The following RNF144B variants were observed in gnomAD, a reference collection of about 807,000 sequenced individuals.
The protein encoded by RNF144B is ring finger protein 144B, also known as E3 ubiquitin-protein ligase RNF144B.
In RNF144B, 25 loss-of-function variants were observed where a neutral mutation model predicts 40.2. The ratio of observed to expected loss-of-function variants is 0.62; its 90% CI spans 0.45 to 0.87. RNF144B has a LOEUF of 0.87. Among genes scored for constraint, RNF144B ranks in the 40% least tolerant of loss-of-function variants. The pLI is 0.00. For synonymous variants in RNF144B, 145 were observed against 136.3 expected, an observed-to-expected ratio of 1.06 and a Z score of -0.44; for missense variants, 365 against 373.7, an observed-to-expected ratio of 0.98 and a Z score of 0.19.
In RNF144B at chr6:18,401,262, G is replaced by C. The variant is rs540789602; in HGVS notation, c.165+1563G>C. Among the ~76,000 whole-genome samples the C allele has an allele frequency of 6.7e-4, 102 of 152,268 alleles. 1 individual carries two copies. Among genetic ancestry groups the C allele is most frequent in the African/African-American group, 2.5e-3 (102 of 41,548 alleles). ...CTTCTCAGGGAGCTAACACTGTCCT[G>C]TTATTGTTTCAGTAGATTTTAGTTC... On this transcript the variant is annotated intron_variant, in intron 2 of 7. Transcript: ENST00000259939.
At position 18,412,346 on chromosome 6, in the gene RNF144B, AT is replaced by A. The variant is rs1795065115; in HGVS notation, c.165+12649del. 6.6e-6 allele frequency among the ~76,000 whole-genome samples: 1 copy of A among 152,122 alleles called. No homozygotes were observed. The highest frequency in any genetic ancestry group is 2.4e-5 in the African/African-American group (1 of 41,424). On this transcript the variant is annotated intron_variant, in intron 2 of 7. Coordinates refer to ENST00000259939, the MANE Select transcript of RNF144B (RefSeq NM_182757.4). The surrounding 1 kb of genome is among the most constrained non-coding windows in gnomAD (Gnocchi z 4.2). The stretch of plus-strand genomic sequence containing the variant: ...ACTTCCTCTTTTTAGGAGGAAGCAA[AT>A]TGTTGTAAGAGAAGCTCATCTCATG...
Position 18,442,988 on chromosome 6 carries a change from G to C in RNF144B, c.331+3244G>C, listed in dbSNP as rs12527558. 0.12 allele frequency among the ~76,000 whole-genome samples: 18,999 copies of C among 152,192 alleles called. 1,365 individuals carry two copies. Among genetic ancestry groups the C allele is most frequent in the Admixed American group, 0.19 (2,948 of 15,290 alleles). ...TTTGGCTACTGTAAGTAATGCTGCT[G>C]TGAACACTGGGGTATAATCTGAGTT... On this transcript the variant is annotated intron_variant, in intron 4 of 7. Transcript: ENST00000259939. This position sits in a 1 kb window ranked among gnomAD's most constrained non-coding sequence, Gnocchi z 4.3.
At chr6:18,421,690 T>C (rs887100240) in intron 2 of RNF144B, among the ~76,000 whole-genome samples, 1 of 152,074 alleles carries the variant, frequency 6.6e-6, no homozygotes, top group African/African-American at 2.4e-5. Flanking sequence ...AAACATAAAA[T>C]GGGGAAAATC....
rs1436170179 is a variant in RNF144B, at chr6:18,466,115, C to T, written c.*1048C>T. 6.6e-6 allele frequency: 1 copy of T among 152,196 alleles called. No individual in the cohort carries two copies. Among genetic ancestry groups the T allele is most frequent in the African/African-American group, 2.4e-5 (1 of 41,458 alleles). The allele number at this position is 152,196 out of a possible 1,614,324, so 9.4% of individuals were successfully genotyped here. ...ATGTTTACTTAAGAGCCATTCTATC[C>T]TTTTGTGACTGAAATGGTTTATTGT... On this transcript the variant is annotated 3_prime_UTR_variant, in exon 8 of 8. Coordinates refer to ENST00000259939, the MANE Select transcript of RNF144B (RefSeq NM_182757.4).
chr6:18,422,789 C>G lies in RNF144B; in HGVS notation c.166-4792C>G, dbSNP rs1229799038. On this transcript the variant is annotated intron_variant, in intron 2 of 7. Transcript: ENST00000259939. This position sits in a 1 kb window ranked among gnomAD's most constrained non-coding sequence, Gnocchi z 4.7. ...CCAGCCTGCTTGGGCAACATAGACC[C>G]AATTTCAATCAATCAATCAATAGTC... Among the ~76,000 whole-genome samples, 1 of 152,024 alleles carries G rather than the reference C, an allele frequency of 6.6e-6. No homozygotes were observed. Among genetic ancestry groups the G allele is most frequent in the Admixed American group, 6.6e-5 (1 of 15,250 alleles).
At chr6:18,428,577 G>A (rs1187984203) in intron 3 of RNF144B, among the ~76,000 whole-genome samples, 1 of 151,846 alleles carries the variant, frequency 6.6e-6, no homozygotes, top group African/African-American at 2.4e-5. Flanking sequence ...CTTTAAATTA[G>A]AATATAATGA....
chr6:18,389,009 C>A (rs1031328978), intron 1 of RNF144B, among the ~76,000 whole-genome samples: 12 of 151,990 alleles, frequency 7.9e-5, no homozygotes, highest in South Asian at 2.1e-4. Context: ...ACCAAAAAAA[C>A]CCCCCAAAAC....
rs970203859 is a variant in RNF144B, at chr6:18,419,450, G to A, written c.166-8131G>A. Among the ~76,000 whole-genome samples, 1 of 152,182 alleles carries A rather than the reference G, an allele frequency of 6.6e-6. No homozygotes were observed. Among genetic ancestry groups the A allele is most frequent in the African/African-American group, 2.4e-5 (1 of 41,456 alleles). On this transcript the variant is annotated intron_variant, in intron 2 of 7. Transcript: ENST00000259939. The surrounding 1 kb of genome is among the most constrained non-coding windows in gnomAD (Gnocchi z 4.6). ...ACCCAGGAAGAAAGTGTAGAAAGAA[G>A]AGAGTTTAGGTCCTTTCCTGAAATT...
At chr6:18,431,626 CAT>C (rs1429866337) in intron 3 of RNF144B, among the ~76,000 whole-genome samples, 1 of 152,218 alleles carries the variant, frequency 6.6e-6, no homozygotes. Flanking sequence ...ACAGGTAACA[CAT>C]AAATATACTT....
At position 18,400,128 on chromosome 6, in the gene RNF144B, C is replaced by T. The variant is rs1794772443; in HGVS notation, c.165+429C>T. On this transcript the variant is annotated intron_variant, in intron 2 of 7. Transcript: ENST00000259939. The surrounding 1 kb of genome is among the most constrained non-coding windows in gnomAD (Gnocchi z 5.6). ...CTACTAAAAATACAAAAGAAATTAG[C>T]TGGGCTTGGTGGCGGGCGCCTGTAG... 6.6e-6 allele frequency among the ~76,000 whole-genome samples: 1 copy of T among 152,022 alleles called. No individual in the cohort carries two copies. The highest frequency in any genetic ancestry group is 2.4e-5 in the African/African-American group (1 of 41,384).
At chr6:18,452,709 C>G (rs942191637) in intron 4 of RNF144B, among the ~76,000 whole-genome samples, 2 of 151,990 alleles carry the variant, frequency 1.3e-5, no homozygotes, top group Non-Finnish European at 2.9e-5. Context: ...TAGCCCCTGC[C>G]TTTACTCAAG....
chr6:18,452,166 AT>A (rs1282282156), intron 4 of RNF144B, among the ~76,000 whole-genome samples: 12 of 152,230 alleles, frequency 7.9e-5, no homozygotes, highest in Non-Finnish European at 1.5e-4. Context: ...AAATACATCT[AT>A]ATGCTTTTGA....
Position 18,456,515 on chromosome 6 carries a change from G to A in RNF144B, c.332-640G>A, listed in dbSNP as rs1322317922. Among the ~76,000 whole-genome samples the A allele has an allele frequency of 1.3e-5, 2 of 152,142 alleles. No individual in the cohort carries two copies. Among genetic ancestry groups the A allele is most frequent in the East Asian group, 3.8e-4 (2 of 5,196 alleles). On this transcript the variant is annotated intron_variant, in intron 4 of 7. Transcript: ENST00000259939. This position sits in a 1 kb window ranked among gnomAD's most constrained non-coding sequence, Gnocchi z 4.7. ...ATAGTGCCCAAATAATTGTAGAAGGGATTTGAGATTTTTGCCTATTTTACG... is the reference window on the plus strand; with the variant it reads ...ATAGTGCCCAAATAATTGTAGAAGGAATTTGAGATTTTTGCCTATTTTACG...
Position 18,414,222 on chromosome 6 carries a change from C to A in RNF144B, c.166-13359C>A, listed in dbSNP as rs930765874. Reference sequence around the variant, plus strand: ...AATAACCAACCTAGTCATTGTCCAACCTTTTCTACTTTTTCAGAGTTCAGT... The same window carrying A: ...AATAACCAACCTAGTCATTGTCCAAACTTTTCTACTTTTTCAGAGTTCAGT... On this transcript the variant is annotated intron_variant, in intron 2 of 7. Transcript: ENST00000259939. The surrounding 1 kb of genome is among the most constrained non-coding windows in gnomAD (Gnocchi z 4.9). 6.6e-6 allele frequency among the ~76,000 whole-genome samples: 1 copy of A among 152,134 alleles called. No homozygotes were observed.
chr6:18,462,771 A>G (rs964634440), intron 6 of RNF144B, among the ~76,000 whole-genome samples: 4 of 151,944 alleles, frequency 2.6e-5, no homozygotes, highest in African/African-American at 7.3e-5. Context: ...TATCTTCCCA[A>G]CAAACTCCAT....
At chr6:18,445,274 G>C (rs34718482) in intron 4 of RNF144B, among the ~76,000 whole-genome samples, 40 of 152,048 alleles carry the variant, frequency 2.6e-4, no homozygotes, top group Non-Finnish European at 5.9e-5. Context: ...AGAATCAAAA[G>C]CAAACTCAGC....
intron 1 of RNF144B, among the ~76,000 whole-genome samples, chr6:18,397,605 A>G (rs915456305): frequency 2.6e-4 from 40 of 152,196 alleles, no homozygotes; most frequent in African/African-American, 9.4e-4. Flanking sequence ...TTTATTTTTC[A>G]GTCTAAAGAT....
chr6:18,460,063 G>A lies in RNF144B; in HGVS notation c.681+312G>A, dbSNP rs1759417429. On this transcript the variant is annotated intron_variant, in intron 6 of 7. Transcript: ENST00000259939. This position sits in a 1 kb window ranked among gnomAD's most constrained non-coding sequence, Gnocchi z 4.4. ...TTTATATTGCTGTTGTAACGAATTA[G>A]CACATACTTAGTGGCTTAAAATACC... Among the ~76,000 whole-genome samples, 1 of 152,146 alleles carries A rather than the reference G, an allele frequency of 6.6e-6. No individual in the cohort carries two copies. Among genetic ancestry groups the A allele is most frequent in the Non-Finnish European group, 1.5e-5 (1 of 68,030 alleles).
intron 3 of RNF144B, among the ~76,000 whole-genome samples, chr6:18,436,769 C>G (rs886862759): frequency 1.3e-5 from 2 of 152,140 alleles, no homozygotes; most frequent in South Asian, 4.1e-4. Flanking sequence ...CTGATTTAGT[C>G]TTCTAATAAT....
Sources: allele counts gnomAD v4.1 joint callset (sites outside exome capture counted in the v4.1 genomes callset), GRCh38; gene constraint gnomAD v4.1.1; non-coding constraint Gnocchi (gnomAD v3.1); transcripts MANE v1.5; gene names NCBI Gene and HGNC (gene_info 2026-07-23, HGNC 2026-07-21).